PRKN: variants seen among roughly 807,000 people sequenced by gnomAD.
PRKN encodes the protein E3 ubiquitin-protein ligase parkin.
PRKN carries 56 observed loss-of-function variants against 59.5 expected under a neutral mutation model. The ratio of observed to expected loss-of-function variants is 0.94; its 90% CI spans 0.76 to 1.18. The LOEUF is 1.18. Among genes scored for constraint, PRKN ranks in the 50% most tolerant of loss-of-function variants. The probability of loss-of-function intolerance (pLI) is 0.00; values close to 1 mark genes in which losing one functional copy is unlikely to be tolerated. For synonymous variants in PRKN, 250 were observed against 222.1 expected, an observed-to-expected ratio of 1.13 and a Z score of -1.12; for missense variants, 657 against 596.4, an observed-to-expected ratio of 1.10 and a Z score of -1.06.
At chr6:161,884,904 A>G (rs2128230417) in intron 6 of PRKN, among the ~76,000 whole-genome samples, 1 of 151,892 alleles carries the variant, frequency 6.6e-6, no homozygotes, top group African/African-American at 2.4e-5. Context: ...ACCCAACTCT[A>G]CCATTGCAGC....
chr6:162,498,494 G>A (rs1217000000), intron 1 of PRKN, among the ~76,000 whole-genome samples: 4 of 117,634 alleles, frequency 3.4e-5, no homozygotes, highest in Admixed American at 2.4e-4. Flanking sequence ...TGCCCAGGCT[G>A]GAGTGCAATG....
At position 162,454,707 on chromosome 6, in the gene PRKN, A is replaced by G. The variant is rs80015234; in HGVS notation, c.8-11234T>C. On this transcript the variant is annotated intron_variant, in intron 1 of 11. Coordinates refer to ENST00000366898, the MANE Select transcript of PRKN (RefSeq NM_004562.3). ...AACAGATATGTCTGGAAACACATTT[A>G]TGGCTGTTTCATGATGGATCATTTT... Among the ~76,000 whole-genome samples, 304 of 152,312 alleles carry G rather than the reference A, an allele frequency of 2.0e-3. 5 individuals are homozygous for G. In the South Asian group the frequency reaches 0.024, roughly 12 times the overall value.
At chr6:161,858,502 T>A (rs1793747100) in intron 6 of PRKN, among the ~76,000 whole-genome samples, 1 of 152,180 alleles carries the variant, frequency 6.6e-6, no homozygotes, top group South Asian at 2.1e-4. Context: ...AGCTCTGATG[T>A]GCTATAAACA....
intron 7 of PRKN, among the ~76,000 whole-genome samples, chr6:161,633,130 T>G (rs1328168979): frequency 6.6e-6 from 1 of 152,104 alleles, no homozygotes; most frequent in African/African-American, 2.4e-5. Flanking sequence ...AATGTAAAGG[T>G]ATGAAATACC....
chr6:162,466,632 G>A (rs1791429588), intron 1 of PRKN, among the ~76,000 whole-genome samples: 2 of 151,662 alleles, frequency 1.3e-5, no homozygotes, highest in African/African-American at 4.8e-5. Context: ...GGTCTCATAT[G>A]CCTGTGCTCA....
Position 161,530,526 on chromosome 6 carries a change from T to C in PRKN, c.1083+18328A>G, listed in dbSNP as rs1779165344. Among the ~76,000 whole-genome samples the C allele has an allele frequency of 6.6e-6, 1 of 151,496 alleles. No individual in the cohort carries two copies. The highest frequency in any genetic ancestry group is 6.6e-5 in the Admixed American group (1 of 15,236). On this transcript the variant is annotated intron_variant, in intron 9 of 11. Coordinates refer to ENST00000366898, the MANE Select transcript of PRKN (RefSeq NM_004562.3). This position sits in a 1 kb window ranked among gnomAD's most constrained non-coding sequence, Gnocchi z 5.0. ...GCTTCTTTTTTTCTTTTTTTCTTTTTTTTTTTTGAGATGGAGTTTCACTCT... is the reference window on the plus strand; with the variant it reads ...GCTTCTTTTTTTCTTTTTTTCTTTTCTTTTTTTGAGATGGAGTTTCACTCT...
intron 5 of PRKN, among the ~76,000 whole-genome samples, chr6:162,038,369 T>C (rs1783927759): frequency 6.6e-6 from 1 of 152,146 alleles, no homozygotes; most frequent in African/African-American, 2.4e-5. Context: ...GTCAACACAT[T>C]ATAACAACTA....
At chr6:161,374,328 G>A (rs917041481) in intron 10 of PRKN, among the ~76,000 whole-genome samples, 1 of 151,562 alleles carries the variant, frequency 6.6e-6, no homozygotes, top group Non-Finnish European at 1.5e-5. Flanking sequence ...TGTGTGTAAC[G>A]CATGGTGTGC....
intron 7 of PRKN, among the ~76,000 whole-genome samples, chr6:161,603,320 C>T (rs1184421552): frequency 6.6e-6 from 1 of 152,214 alleles, no homozygotes; most frequent in Non-Finnish European, 1.5e-5. Flanking sequence ...CAGCTGATCA[C>T]AGGCAGTCAA....
At chr6:161,711,898 C>T (rs892061322) in intron 7 of PRKN, among the ~76,000 whole-genome samples, 5 of 152,202 alleles carry the variant, frequency 3.3e-5, no homozygotes, top group Admixed American at 3.3e-4. Flanking sequence ...ATTGGGCCTT[C>T]AGCCACAGAC....
chr6:161,737,912 GTTTA>G (rs1206166043), intron 7 of PRKN, among the ~76,000 whole-genome samples: 5 of 152,098 alleles, frequency 3.3e-5, no homozygotes, highest in African/African-American at 1.2e-4. Flanking sequence ...ATTACATCCC[GTTTA>G]ACTCACTGAA....
At chr6:161,680,777 T>TA (rs1562604160) in intron 7 of PRKN, among the ~76,000 whole-genome samples, 3 of 37,294 alleles carry the variant, frequency 8.0e-5, no homozygotes, top group African/African-American at 1.3e-4. Flanking sequence ...ATATATATAT[T>TA]TTTTTTTTTT....
chr6:162,696,111 A>G (rs941553962), intron 1 of PRKN, among the ~76,000 whole-genome samples: 3 of 152,206 alleles, frequency 2.0e-5, no homozygotes, highest in Non-Finnish European at 2.9e-5. Context: ...GAAACATACT[A>G]AAAAAGAGAG....
chr6:161,394,841 A>G lies in PRKN; in HGVS notation c.1084-7964T>C, dbSNP rs1786680767. ...TGGTTCTGCTGGGAATTAACTATCCAGTCTATAATTACGGACAAAGACATT... is the reference window on the plus strand; with the variant it reads ...TGGTTCTGCTGGGAATTAACTATCCGGTCTATAATTACGGACAAAGACATT... On this transcript the variant is annotated intron_variant, in intron 9 of 11. Coordinates refer to ENST00000366898, the MANE Select transcript of PRKN (RefSeq NM_004562.3). 1.3e-5 allele frequency among the ~76,000 whole-genome samples: 2 copies of G among 152,194 alleles called. 1 individual carries two copies. Among genetic ancestry groups the G allele is most frequent in the South Asian group, 4.1e-4 (2 of 4,830 alleles).
intron 3 of PRKN, among the ~76,000 whole-genome samples, chr6:162,244,584 G>A (rs565746790): frequency 5.9e-5 from 9 of 152,054 alleles, no homozygotes; most frequent in South Asian, 2.1e-4. Context: ...ATGCATTCAC[G>A]CCAAATGAAC....
chr6:161,810,414 C>T (rs756527163), intron 6 of PRKN, among the ~76,000 whole-genome samples: 2 of 152,200 alleles, frequency 1.3e-5, no homozygotes, highest in East Asian at 1.9e-4. Context: ...TCTAAGAAAA[C>T]TCTTGAATGG....
chr6:161,555,204 ATATC>A (rs1448818450), intron 8 of PRKN, among the ~76,000 whole-genome samples: 2 of 151,990 alleles, frequency 1.3e-5, no homozygotes, highest in African/African-American at 4.8e-5. Context: ...TTTTAAGACA[ATATC>A]TATTATATGT....
At chr6:162,019,891 C>A (rs538280426) in intron 5 of PRKN, among the ~76,000 whole-genome samples, 3 of 151,838 alleles carry the variant, frequency 2.0e-5, no homozygotes, top group Non-Finnish European at 2.9e-5. Context: ...TGGTGGCGGG[C>A]GCCTGTAATC....
intron 7 of PRKN, among the ~76,000 whole-genome samples, chr6:161,674,144 A>G (rs923824814): frequency 3.3e-5 from 5 of 152,160 alleles, no homozygotes; most frequent in African/African-American, 7.2e-5. Flanking sequence ...ACTAAGCCCC[A>G]GGGAATCACA....
Sources: gnomAD v4.1 joint callset for allele counts (sites outside exome capture counted in the v4.1 genomes callset) on GRCh38, gnomAD v4.1.1 for gene constraint, Gnocchi (gnomAD v3.1) non-coding constraint, MANE v1.5 for transcripts, NCBI Gene and HGNC (gene_info 2026-07-23, HGNC 2026-07-21) for gene names.